ATP13A3: variants seen among roughly 807,000 people sequenced by gnomAD.
ATP13A3 encodes the protein polyamine-transporting ATPase 13A3.
ATP13A3 carries 59 observed loss-of-function variants against 158.1 expected under a neutral mutation model. That is an observed-to-expected ratio of 0.37 (90% CI 0.30 to 0.46). The LOEUF (loss-of-function observed/expected upper bound fraction) is 0.46, where lower values mean the gene tolerates loss of function less well. Among genes scored for constraint, ATP13A3 ranks in the 20% least tolerant of loss-of-function variants. ATP13A3 has a pLI of 1.00. For synonymous variants in ATP13A3, 491 were observed against 504.3 expected (o/e 0.97, Z 0.35); for missense variants, 1,166 against 1,525.2 (o/e 0.76, Z 3.92).
At chr3:194,433,337 G>A (rs371565850) in intron 21 of ATP13A3, among the ~76,000 whole-genome samples, 403 of 145,976 alleles carry the variant, frequency 2.8e-3, no homozygotes, top group African/African-American at 4.2e-3. Context: ...TCCGCTTCCC[G>A]GGTTCACGCC....
chr3:194,405,871 A>G lies in ATP13A3; in HGVS notation c.*48T>C. The G allele has an allele frequency of 1.3e-6, 2 of 1,586,848 alleles. No individual in the cohort carries two copies. ...CAGGATCAGAAACTCCTAAAATCAC[A>G]TATTCCTGAATACTGCTATCAGCAA... On this transcript the variant is annotated 3_prime_UTR_variant, in exon 34 of 34. Transcript: ENST00000645319.
chr3:194,475,699 C>T (rs999861111), intron 2 of ATP13A3, among the ~76,000 whole-genome samples: 6 of 152,138 alleles, frequency 3.9e-5, no homozygotes, highest in African/African-American at 1.2e-4. Flanking sequence ...TGCCACTATC[C>T]AGGATTTAAA....
chr3:194,438,736 T>C (rs933156620), intron 17 of ATP13A3, 120 bp downstream of exon 17: 3 of 570,260 alleles, frequency 5.3e-6, no homozygotes, highest in Non-Finnish European at 8.1e-6. Context: ...CCCAGGAGTT[T>C]GAGACCAGCC....
At chr3:194,450,966 G>GT (rs945276925) in intron 10 of ATP13A3, 101 of 152,262 alleles carry the variant, frequency 6.6e-4, no homozygotes, top group African/African-American at 2.2e-3. Context: ...CTTCCGAAGG[G>GT]TGAAAGGCTT....
intron 14 of ATP13A3, 99 bp downstream of exon 14, chr3:194,446,828 A>C: frequency 8.7e-7 from 1 of 1,153,522 alleles, no homozygotes; most frequent in Non-Finnish European, 1.2e-6. Flanking sequence ...ACATGACAGA[A>C]TGTGTCCAAA....
At chr3:194,483,252 C>A (rs996791279) in intron 2 of ATP13A3, among the ~76,000 whole-genome samples, 1 of 151,654 alleles carries the variant, frequency 6.6e-6, no homozygotes, top group Non-Finnish European at 1.5e-5. Flanking sequence ...CCACTACACT[C>A]TAGCCTGAGT....
chr3:194,467,219 T>A (rs904349982), intron 2 of ATP13A3, among the ~76,000 whole-genome samples: 1 of 152,252 alleles, frequency 6.6e-6, no homozygotes, highest in Non-Finnish European at 1.5e-5. Flanking sequence ...CATGTACTTT[T>A]AACTATTTAA....
chr3:194,454,694 T>C (rs945727823), intron 8 of ATP13A3, among the ~76,000 whole-genome samples: 10 of 152,002 alleles, frequency 6.6e-5, no homozygotes, highest in African/African-American at 2.4e-4. Context: ...CTGGGCATGG[T>C]GGCAGGCGCC....
intron 30 of ATP13A3, among the ~76,000 whole-genome samples, chr3:194,423,761 A>AT (rs1433502830): frequency 2.6e-5 from 4 of 152,190 alleles, no homozygotes; most frequent in Non-Finnish European, 5.9e-5. Context: ...AAATTTCTTA[A>AT]ACCTTTTTTA....
At chr3:194,410,424 C>T (rs1162872272) in intron 33 of ATP13A3, among the ~76,000 whole-genome samples, 1 of 149,062 alleles carries the variant, frequency 6.7e-6, no homozygotes, top group Non-Finnish European at 1.5e-5. Context: ...CAAAAGTTGC[C>T]GGGCATGGTG....
chr3:194,407,049 C>T (rs1027184292), intron 33 of ATP13A3, among the ~76,000 whole-genome samples: 1 of 152,136 alleles, frequency 6.6e-6, no homozygotes, highest in Non-Finnish European at 1.5e-5. Context: ...AAAGCAGAGT[C>T]CCTGGTTAAT....
chr3:194,457,111 CTT>C lies in ATP13A3; in HGVS notation c.541_542del (p.Lys181GlyfsTer14). 1 of 1,612,884 alleles carries C rather than the reference CTT, an allele frequency of 6.2e-7. No individual in the cohort carries two copies. Among genetic ancestry groups the C allele is most frequent in the Admixed American group, 1.7e-5 (1 of 59,902 alleles). On this transcript the variant is annotated frameshift_variant, in exon 7 of 34. Transcript: ENST00000645319. LOFTEE classifies it high-confidence loss of function. ...IYEKHSAGLTKGMHAYRKLLY... is the reference protein window; with the variant it reads ...IYEKHSAGLTXGMHAYRKLLY... ...AAAATTACCTGTAGGCATGCATCCC[CTT>C]TGTCAGTCCTGCACTATGCTTTTCA...
intron 33 of ATP13A3, among the ~76,000 whole-genome samples, chr3:194,410,311 A>C (rs1005604722): frequency 1.4e-3 from 193 of 142,130 alleles, no homozygotes; most frequent in Non-Finnish European, 1.6e-3. Flanking sequence ...AAAAAAAAAA[A>C]AAAAAAAAAA....
At chr3:194,441,974 C>CT (rs1718080109) in intron 15 of ATP13A3, among the ~76,000 whole-genome samples, 3 of 152,172 alleles carry the variant, frequency 2.0e-5, no homozygotes, top group Admixed American at 2.0e-4. Flanking sequence ...ATTCTAAGAA[C>CT]TTTAAATTTA....
At chr3:194,469,943 AC>A (rs1720225893) in intron 2 of ATP13A3, among the ~76,000 whole-genome samples, 1 of 152,228 alleles carries the variant, frequency 6.6e-6, no homozygotes. Flanking sequence ...TAATACCTAT[AC>A]AAATATATAC....
At chr3:194,439,037 GAA>G in intron 16 of ATP13A3, 65 bp from the exon 17 acceptor site, 1 of 1,009,736 alleles carries the variant, frequency 9.9e-7, no homozygotes, top group Non-Finnish European at 1.5e-6. Flanking sequence ...TCATAAAACT[GAA>G]TTCATGGTTC....
intron 2 of ATP13A3, among the ~76,000 whole-genome samples, chr3:194,471,431 G>C (rs1402790592): frequency 6.6e-6 from 1 of 151,680 alleles, no homozygotes; most frequent in Non-Finnish European, 1.5e-5. Context: ...TTAGCTCACT[G>C]CAACCTCTGC....
chr3:194,489,241 T>C (rs371543102), upstream of ATP13A3, among the ~76,000 whole-genome samples: 40 of 151,734 alleles, frequency 2.6e-4, no homozygotes, highest in South Asian at 7.9e-3. The surrounding 1 kb of genome is among the most constrained non-coding windows in gnomAD (Gnocchi z 4.1). Flanking sequence ...GGTCAGGAGT[T>C]CAAGACCAGC....
chr3:194,476,799 C>G (rs1389688480), intron 2 of ATP13A3, among the ~76,000 whole-genome samples: 1 of 142,220 alleles, frequency 7.0e-6, no homozygotes, highest in Non-Finnish European at 1.5e-5. Context: ...TTAAATTGAA[C>G]TAGATTAAAT....
Sources: gnomAD v4.1 joint callset for allele counts (sites outside exome capture counted in the v4.1 genomes callset) on GRCh38, gnomAD v4.1.1 for gene constraint, Gnocchi (gnomAD v3.1) non-coding constraint, MANE v1.5 for transcripts, NCBI Gene and HGNC (gene_info 2026-07-23, HGNC 2026-07-21) for gene names.